ZNF536: variants seen among roughly 807,000 people sequenced by gnomAD.
The protein encoded by ZNF536 is zinc finger protein 536.
A neutral mutation model predicts 84.5 loss-of-function variants in ZNF536; 13 were observed. That is an observed-to-expected ratio of 0.15 (90% CI 0.10 to 0.24). The LOEUF is 0.24. Among genes scored for constraint, ZNF536 ranks in the 10% least tolerant of loss-of-function variants. The pLI is 1.00. For synonymous variants in ZNF536, 811 were observed against 742.5 expected (o/e 1.09, Z -1.50); for missense variants, 1,536 against 1,747.5 (o/e 0.88, Z 2.16).
chr19:30,526,532 G>A (rs1299223616), intron 2 of ZNF536, among the ~76,000 whole-genome samples: 5 of 148,212 alleles, frequency 3.4e-5, no homozygotes, highest in African/African-American at 9.7e-5. Flanking sequence ...AGACCATCCC[G>A]GCTAAAACGG....
At chr19:30,657,474 C>T (rs917816601) in intron 1 of ZNF536, among the ~76,000 whole-genome samples, 4 of 152,214 alleles carry the variant, frequency 2.6e-5, no homozygotes, top group African/African-American at 7.2e-5. Context: ...CAGACTCTCT[C>T]GGTATTCCTG....
chr19:30,244,668 TTTGCTCC>T (rs2024148743), intron 1 of ZNF536, among the ~76,000 whole-genome samples: 1 of 152,204 alleles, frequency 6.6e-6, no homozygotes, highest in South Asian at 2.1e-4. Flanking sequence ...GCCAGCTGTC[TTTGCTCC>T]TTGCCCCTGA....
At chr19:30,236,373 T>C (rs969399752) in intron 1 of ZNF536, among the ~76,000 whole-genome samples, 1 of 152,236 alleles carries the variant, frequency 6.6e-6, no homozygotes, top group Non-Finnish European at 1.5e-5. Context: ...TTAGAGATCA[T>C]TGGTTTGACA....
rs549287608 is a variant in ZNF536 at position 30,329,646 on chromosome 19, A to G, written c.-119-22722A>G. Among the ~76,000 whole-genome samples the G allele has an allele frequency of 4.6e-4, 70 of 152,326 alleles. 1 individual carries two copies. The South Asian group carries it at 0.014, about 30-fold the overall frequency. On this transcript the variant is annotated intron_variant, in intron 2 of 5. Transcript: ENST00000585628. Reference sequence around the variant, plus strand: ...GATAGTTCCAGACCTTGGAAAGCCCAGGCGTGATACAGACAAAAGTTTATC... The same window carrying G: ...GATAGTTCCAGACCTTGGAAAGCCCGGGCGTGATACAGACAAAAGTTTATC...
At chr19:30,574,111 C>T (rs12609319) in intron 1 of ZNF536, among the ~76,000 whole-genome samples, 41,352 of 152,170 alleles carry the variant, frequency 0.27, 5,943 homozygotes, top group East Asian at 0.42. Flanking sequence ...ACCTTTCATA[C>T]TAGCTGCAAT....
chr19:30,507,243 T>A (rs1272338251), intron 2 of ZNF536, among the ~76,000 whole-genome samples: 1 of 152,098 alleles, frequency 6.6e-6, no homozygotes, highest in African/African-American at 2.4e-5. Context: ...ATGCCTGTAA[T>A]CCCAGTTACT....
At chr19:30,502,157 T>G (rs2145335146) in intron 2 of ZNF536, among the ~76,000 whole-genome samples, 1 of 152,322 alleles carries the variant, frequency 6.6e-6, no homozygotes, top group East Asian at 1.9e-4. Context: ...ACATCAGTCC[T>G]AGGTGTTATG....
At chr19:30,469,129 G>A (rs2053531079) in intron 2 of ZNF536, among the ~76,000 whole-genome samples, 1 of 152,070 alleles carries the variant, frequency 6.6e-6, no homozygotes, top group Non-Finnish European at 1.5e-5. Context: ...TAAAAGAAAG[G>A]AATGACCGGG....
At chr19:30,564,731 G>A (rs1170966792) in intron 1 of ZNF536, among the ~76,000 whole-genome samples, 1 of 152,224 alleles carries the variant, frequency 6.6e-6, no homozygotes, top group Non-Finnish European at 1.5e-5. Context: ...TTATTTACAA[G>A]ATAATGGTCC....
intron 1 of ZNF536, among the ~76,000 whole-genome samples, chr19:30,639,558 A>T (rs2049190207): frequency 6.6e-6 from 1 of 152,202 alleles, no homozygotes; most frequent in South Asian, 2.1e-4. Context: ...GGGAGGATTT[A>T]CTTTTGTTTC....
At chr19:30,622,863 C>A (rs1263980466) in intron 1 of ZNF536, among the ~76,000 whole-genome samples, 1 of 152,054 alleles carries the variant, frequency 6.6e-6, no homozygotes, top group Non-Finnish European at 1.5e-5. Context: ...AAATACCTCA[C>A]TTCCCTGACC....
intron 2 of ZNF536, among the ~76,000 whole-genome samples, chr19:30,487,924 G>T (rs1169642568): frequency 6.6e-6 from 1 of 152,194 alleles, no homozygotes; most frequent in Non-Finnish European, 1.5e-5. Flanking sequence ...GATTTAGAGA[G>T]AAGGCTGTTC....
intron 1 of ZNF536, among the ~76,000 whole-genome samples, chr19:30,241,216 G>A (rs2023917426): frequency 6.6e-6 from 1 of 152,186 alleles, no homozygotes; most frequent in African/African-American, 2.4e-5. Context: ...TCTTCAGGAG[G>A]CTGAGGTGGG....
intron 1 of ZNF536, among the ~76,000 whole-genome samples, chr19:30,696,218 C>T (rs1006527020): frequency 6.6e-6 from 1 of 152,148 alleles, no homozygotes; most frequent in Non-Finnish European, 1.5e-5. Flanking sequence ...GCACCTCTCC[C>T]CCAGCCCCCG....
intron 1 of ZNF536, among the ~76,000 whole-genome samples, chr19:30,417,328 A>T (rs1254907062): frequency 6.6e-6 from 1 of 151,932 alleles, no homozygotes. Context: ...CCTCAGGAAT[A>T]TCTCAACATT....
In ZNF536 at chr19:30,557,389, T is replaced by C; in HGVS notation, c.*225T>C. ...AAAAATATTACCCCATATGTTCCAG[T>C]ATTAGTCATGGATTGCAAAGGCTTA... On this transcript the variant is annotated 3_prime_UTR_variant, in exon 5 of 5. Transcript: ENST00000355537. 1 of 431,426 alleles carries C rather than the reference T, an allele frequency of 2.3e-6. No individual in the cohort carries two copies. The allele number at this position is 431,426 out of a possible 1,614,324, so 26.7% of individuals were successfully genotyped here. A position where few individuals can be genotyped will look rare whatever the true frequency, so the allele number is the denominator to read the frequency against.
intron 1 of ZNF536, among the ~76,000 whole-genome samples, chr19:30,415,357 CTTCCTT>C (rs1210738403): frequency 6.8e-6 from 1 of 148,098 alleles, no homozygotes; most frequent in Non-Finnish European, 1.5e-5. Context: ...TCCTCTTCCT[CTTCCTT>C]TTCCTTCTTC....
At chr19:30,532,762 G>A (rs1206782493) in intron 2 of ZNF536, among the ~76,000 whole-genome samples, 1 of 152,202 alleles carries the variant, frequency 6.6e-6, no homozygotes, top group Non-Finnish European at 1.5e-5. Flanking sequence ...TGGTTGGCTG[G>A]AAATGACATC....
chr19:30,303,707 C>T (rs1251422747), intron 2 of ZNF536, among the ~76,000 whole-genome samples: 8 of 152,088 alleles, frequency 5.3e-5, no homozygotes, highest in African/African-American at 1.7e-4. Context: ...TTCACCATGT[C>T]GGCCGGGCTG....
Sources: allele counts gnomAD v4.1 joint callset (sites outside exome capture counted in the v4.1 genomes callset), GRCh38; gene constraint gnomAD v4.1.1; transcripts MANE v1.5; gene names NCBI Gene and HGNC (gene_info 2026-07-23, HGNC 2026-07-21).